The following SPTA1 variants were observed in gnomAD, a reference collection of about 807,000 sequenced individuals.
SPTA1 encodes spectrin alpha, erythrocytic 1.
In SPTA1, 177 loss-of-function variants were observed where a neutral mutation model predicts 324.7. The ratio of observed to expected loss-of-function variants is 0.55; its 90% CI spans 0.48 to 0.62. The LOEUF (loss-of-function observed/expected upper bound fraction) is 0.62, where lower values mean the gene tolerates loss of function less well. Among genes scored for constraint, SPTA1 ranks in the 20% least tolerant of loss-of-function variants. The pLI, the probability that SPTA1 is intolerant of heterozygous loss-of-function variation, is 0.00. For missense variants in SPTA1, 3,162 were observed against 2,883.6 expected (o/e 1.10, Z -2.21); for synonymous variants, 1,195 against 1,041.3 (o/e 1.15, Z -2.84).
At chr1:158,666,988 A>C (rs1384449674) in intron 15 of SPTA1, among the ~76,000 whole-genome samples, 1 of 152,176 alleles carries the variant, frequency 6.6e-6, no homozygotes, top group Admixed American at 6.5e-5. Flanking sequence ...TATCTTCCAG[A>C]AAATGTCTTC....
intron 50 of SPTA1, among the ~76,000 whole-genome samples, chr1:158,613,251 T>C (rs2101745607): frequency 6.6e-6 from 1 of 152,230 alleles, no homozygotes; most frequent in South Asian, 2.1e-4. Context: ...AAATTTCCCA[T>C]CAGCACCAGT....
chr1:158,617,794 G>C (rs1317097339), intron 46 of SPTA1, among the ~76,000 whole-genome samples: 1 of 152,124 alleles, frequency 6.6e-6, no homozygotes, highest in African/African-American at 2.4e-5. Context: ...ACTAGGAGAA[G>C]GCTTTCACAT....
At chr1:158,643,864 C>T (rs552511930) in intron 30 of SPTA1, among the ~76,000 whole-genome samples, 12 of 152,028 alleles carry the variant, frequency 7.9e-5, no homozygotes, top group African/African-American at 1.2e-4. Context: ...GGGCTGGGCA[C>T]GGTGGCTCAC....
Position 158,626,126 on chromosome 1 carries a change from C to T in SPTA1, c.5910+20G>A, listed in dbSNP as rs1275115069. 1.9e-6 allele frequency: 3 copies of T among 1,610,952 alleles called. No homozygotes were observed. The highest frequency in any genetic ancestry group is 1.7e-6 in the Non-Finnish European group (2 of 1,177,246). On this transcript the variant is annotated intron_variant, in intron 42 of 51. Coordinates refer to ENST00000643759, the MANE Select transcript of SPTA1 (RefSeq NM_003126.4). Reference sequence around the variant, plus strand: ...TGTGTGAATCAGGTCTTGGGCTTACCTAACATCTATCAATCTCACCTGTTT... The same window carrying T: ...TGTGTGAATCAGGTCTTGGGCTTACTTAACATCTATCAATCTCACCTGTTT...
chr1:158,622,659 T>C (rs1329597022), intron 43 of SPTA1: 2 of 324,212 alleles, frequency 6.2e-6, no homozygotes, highest in Non-Finnish European at 1.2e-5. Context: ...TTAGGAAAAG[T>C]ACAGGGACAA....
rs760632479 is a variant in SPTA1 at position 158,676,181 on chromosome 1, G to A, written c.1072C>T (p.Leu358=). The change falls in exon 8 of 52, where the codon CTG becomes TTG. Residue 358 remains leucine (L), a synonymous_variant. Transcript: ENST00000643759. The stretch of plus-strand genomic sequence containing the variant: ...AGTTTTTCATATCTGCTGGTGGCCA[G>A]GGCACGAATATGCTCCCAGCTGGAG... ...LVSSWEHIRA[L]ATSRYEKLQA... The A allele has an allele frequency of 6.2e-7, 1 of 1,613,706 alleles. No individual in the cohort carries two copies. The highest frequency in any genetic ancestry group is 8.5e-7 in the Non-Finnish European group (1 of 1,179,776).
intron 17 of SPTA1, among the ~76,000 whole-genome samples, chr1:158,661,977 GCTGT>G (rs1297629013): frequency 1.3e-5 from 2 of 152,132 alleles, no homozygotes; most frequent in Admixed American, 1.3e-4. Context: ...CCGAAATCCT[GCTGT>G]CTGCTTTATC....
chr1:158,653,847 G>T (rs560681848), intron 21 of SPTA1, among the ~76,000 whole-genome samples: 61 of 152,266 alleles, frequency 4.0e-4, no homozygotes, highest in African/African-American at 1.4e-3. Flanking sequence ...AATGTGAATT[G>T]CTCTGACATT....
At chr1:158,643,022 CA>C in intron 31 of SPTA1, 46 bp from the exon 32 acceptor site, 1 of 1,610,420 alleles carries the variant, frequency 6.2e-7, no homozygotes, top group Non-Finnish European at 8.5e-7. Flanking sequence ...CCACCCTTCC[CA>C]TGCTCTGATG....
Position 158,647,714 on chromosome 1 carries a change from T to A in SPTA1, c.3721A>T (p.Ile1241Leu). 1.2e-6 allele frequency: 2 copies of A among 1,613,864 alleles called. No individual in the cohort carries two copies. The highest frequency in any genetic ancestry group is 2.2e-5 in the South Asian group (2 of 91,078). ...AGCCGCTCTGCTGTCTCCCCCAGTATGGTCACCTGGGGAGGTACAATAGCT... is the reference window on the plus strand; with the variant it reads ...AGCCGCTCTGCTGTCTCCCCCAGTAAGGTCACCTGGGGAGGTACAATAGCT... ...DLVPLGDKVTILGETAERLSE... is the reference protein window; with the variant it reads ...DLVPLGDKVTLLGETAERLSE... The change falls in exon 27 of 52, where the codon ATA (isoleucine) becomes TTA (leucine). Residue 1241 changes from isoleucine to leucine, a missense_variant. Transcript: ENST00000643759.
At chr1:158,659,988 A>G (rs191667084) in intron 18 of SPTA1, among the ~76,000 whole-genome samples, 58 of 152,188 alleles carry the variant, frequency 3.8e-4, no homozygotes, top group African/African-American at 1.2e-3. Flanking sequence ...AAGGACTCCA[A>G]ATCACAATGG....
intron 47 of SPTA1, among the ~76,000 whole-genome samples, chr1:158,617,220 C>T (rs1649611279): frequency 6.6e-6 from 1 of 152,086 alleles, no homozygotes; most frequent in South Asian, 2.1e-4. Flanking sequence ...CCTTTGTAGC[C>T]ACAAAACGTG....
intron 20 of SPTA1, among the ~76,000 whole-genome samples, 179 bp downstream of exon 20, chr1:158,656,384 CA>C (rs1233941594): frequency 1.3e-5 from 2 of 152,198 alleles, no homozygotes; most frequent in Non-Finnish European, 2.9e-5. Context: ...CTCTTTTGGA[CA>C]AAGTCTCCTT....
chr1:158,672,254 T>A, intron 10 of SPTA1, 58 bp from the exon 11 acceptor site: 1 of 1,511,544 alleles, frequency 6.6e-7, no homozygotes, highest in Non-Finnish European at 9.0e-7. Flanking sequence ...TATTCTATAT[T>A]TATTGAGCAT....
intron 17 of SPTA1, 47 bp downstream of exon 17, chr1:158,662,655 G>T: frequency 6.2e-7 from 1 of 1,612,216 alleles, no homozygotes. Context: ...TCAATATATA[G>T]ACCTTGGTCC....
intron 47 of SPTA1, among the ~76,000 whole-genome samples, chr1:158,616,497 A>T (rs969186181): frequency 4.6e-5 from 7 of 152,214 alleles, no homozygotes; most frequent in African/African-American, 1.4e-4. Flanking sequence ...GAGTGAGAAC[A>T]TGCAATATTT....
intron 5 of SPTA1, 55 bp from the exon 6 acceptor site, chr1:158,678,589 A>C: frequency 6.3e-7 from 1 of 1,589,058 alleles, no homozygotes; most frequent in South Asian, 1.1e-5. Context: ...TATTTAAAAA[A>C]TTATTCAAAC....
intron 27 of SPTA1, among the ~76,000 whole-genome samples, chr1:158,645,913 T>C (rs1012593154): frequency 6.6e-6 from 1 of 152,200 alleles, no homozygotes; most frequent in Non-Finnish European, 1.5e-5. Context: ...GCCTATGTGG[T>C]ATAACTAAAA....
intron 47 of SPTA1, among the ~76,000 whole-genome samples, chr1:158,617,093 T>A (rs1649603957): frequency 6.6e-6 from 1 of 152,218 alleles, no homozygotes; most frequent in Non-Finnish European, 1.5e-5. Flanking sequence ...CTTCGCTCAG[T>A]TGTCAAGAGA....
Sources: allele counts gnomAD v4.1 joint callset (sites outside exome capture counted in the v4.1 genomes callset), GRCh38; gene constraint gnomAD v4.1.1; transcripts MANE v1.5; gene names NCBI Gene and HGNC (gene_info 2026-07-23, HGNC 2026-07-21).